The following SUPT3H variants were observed in gnomAD, a reference collection of about 807,000 sequenced individuals.
The protein encoded by SUPT3H is transcription initiation protein SPT3 homolog.
SUPT3H carries 44 observed loss-of-function variants against 44.3 expected under a neutral mutation model. The observed-to-expected ratio is 0.99, with a 90% CI of 0.78 to 1.28. SUPT3H has a LOEUF of 1.28. Among genes scored for constraint, SUPT3H ranks in the 50% most tolerant of loss-of-function variants. The pLI is 0.00. For synonymous variants in SUPT3H, 124 were observed against 125.6 expected, an observed-to-expected ratio of 0.99 and a Z score of 0.09; for missense variants, 380 against 387.1, an observed-to-expected ratio of 0.98 and a Z score of 0.15.
At chr6:45,338,238 G>C (rs1306468798) in intron 2 of SUPT3H, among the ~76,000 whole-genome samples, 1 of 151,888 alleles carries the variant, frequency 6.6e-6, no homozygotes, top group Non-Finnish European at 1.5e-5. Context: ...TTATGGTTCA[G>C]CATTTGCTAA....
At chr6:44,916,254 C>T (rs894511794) in intron 10 of SUPT3H, among the ~76,000 whole-genome samples, 4 of 152,208 alleles carry the variant, frequency 2.6e-5, no homozygotes, top group African/African-American at 9.7e-5. Context: ...CAATACACTG[C>T]ATCTTTCATT....
intron 7 of SUPT3H, 39 bp from the exon 8 acceptor site, chr6:44,954,646 T>C: frequency 8.0e-7 from 1 of 1,255,158 alleles, no homozygotes; most frequent in South Asian, 1.2e-5. Flanking sequence ...AATTTTAATT[T>C]TTAAAGTGTT....
At position 45,367,843 on chromosome 6, in the gene SUPT3H, C is replaced by T. The variant is rs62400333; in HGVS notation, c.1-2542G>A. 1.8e-3 allele frequency among the ~76,000 whole-genome samples: 270 copies of T among 152,278 alleles called. 1 individual carries two copies. The highest frequency in any genetic ancestry group is 3.0e-3 in the Non-Finnish European group (203 of 68,012). The stretch of plus-strand genomic sequence containing the variant: ...CATGATCATCCTTTCACAGTCAAGT[C>T]AATTTTTATATCAAACAGGTGAATA... On this transcript the variant is annotated intron_variant, in intron 1 of 10. Coordinates refer to ENST00000371459, the MANE Select transcript of SUPT3H (RefSeq NM_003599.4).
intron 2 of SUPT3H, among the ~76,000 whole-genome samples, chr6:45,128,563 C>T (rs774445076): frequency 0.27 from 18,823 of 70,144 alleles, 2,133 homozygotes; most frequent in East Asian, 0.54. Context: ...TATATACACA[C>T]ACACACACAC....
intron 10 of SUPT3H, among the ~76,000 whole-genome samples, chr6:44,888,207 T>C (rs1189514612): frequency 2.0e-5 from 3 of 152,148 alleles, no homozygotes; most frequent in African/African-American, 4.8e-5. Flanking sequence ...TTGGTACCAT[T>C]CCTTCTGAAA....
chr6:45,201,485 T>C (rs115299492), intron 2 of SUPT3H, among the ~76,000 whole-genome samples: 2,659 of 151,870 alleles, frequency 0.018, 48 homozygotes, highest in South Asian at 0.085. Flanking sequence ...AATAAATTAA[T>C]ATATCAACAC....
chr6:44,970,579 T>G (rs1777425684), intron 6 of SUPT3H, among the ~76,000 whole-genome samples: 1 of 151,284 alleles, frequency 6.6e-6, no homozygotes, highest in African/African-American at 2.4e-5. Context: ...CAACCCTTTT[T>G]TTTTTTTGGT....
At chr6:44,932,588 C>A in intron 10 of SUPT3H, 65 bp downstream of exon 10, 1 of 1,155,104 alleles carries the variant, frequency 8.7e-7, no homozygotes, top group Non-Finnish European at 1.2e-6. Flanking sequence ...CTTCATTTGA[C>A]CACTTGAAAA....
At chr6:44,893,331 C>T (rs1418767719) in intron 10 of SUPT3H, among the ~76,000 whole-genome samples, 8 of 152,202 alleles carry the variant, frequency 5.3e-5, no homozygotes, top group Non-Finnish European at 1.0e-4. Flanking sequence ...CACCCACTAA[C>T]TCGTCATCTA....
chr6:45,241,451 G>A (rs1770307115), intron 2 of SUPT3H, among the ~76,000 whole-genome samples: 1 of 152,202 alleles, frequency 6.6e-6, no homozygotes, highest in Admixed American at 6.6e-5. Context: ...AAACTAGCCA[G>A]AGCCCATCCC....
chr6:45,078,296 T>C (rs929911745), intron 3 of SUPT3H, among the ~76,000 whole-genome samples: 1 of 152,240 alleles, frequency 6.6e-6, no homozygotes, highest in Non-Finnish European at 1.5e-5. Context: ...AAAAATACTC[T>C]CGACTTTTCC....
intron 2 of SUPT3H, among the ~76,000 whole-genome samples, chr6:45,276,997 T>C (rs974224420): frequency 4.6e-5 from 7 of 152,330 alleles, no homozygotes; most frequent in African/African-American, 1.7e-4. Flanking sequence ...TCTATAAGCT[T>C]TTCTTATGAT....
At chr6:44,849,383 C>T (rs976259991) in intron 10 of SUPT3H, among the ~76,000 whole-genome samples, 3 of 151,084 alleles carry the variant, frequency 2.0e-5, no homozygotes, top group African/African-American at 4.9e-5. Flanking sequence ...CCCGCCACTA[C>T]GCCCGGCTAA....
intron 2 of SUPT3H, among the ~76,000 whole-genome samples, chr6:45,314,770 A>G (rs1784450553): frequency 6.6e-6 from 1 of 152,138 alleles, no homozygotes; most frequent in Admixed American, 6.6e-5. Flanking sequence ...ACCATTCTCC[A>G]CAGTTAGAAA....
At chr6:44,941,226 C>T (rs1319325228) in intron 9 of SUPT3H, among the ~76,000 whole-genome samples, 6 of 152,044 alleles carry the variant, frequency 3.9e-5, no homozygotes, top group South Asian at 4.2e-4. Context: ...TTTTATAAGA[C>T]CTGAGAATTT....
intron 2 of SUPT3H, among the ~76,000 whole-genome samples, chr6:45,327,649 A>G (rs935589975): frequency 2.6e-5 from 4 of 152,014 alleles, no homozygotes; most frequent in African/African-American, 9.7e-5. Flanking sequence ...AAAATTTGTA[A>G]AAGAATGCCC....
At chr6:45,231,498 G>C (rs185449075) in intron 2 of SUPT3H, among the ~76,000 whole-genome samples, 4 of 152,140 alleles carry the variant, frequency 2.6e-5, no homozygotes, top group African/African-American at 7.2e-5. Context: ...GTGACTAAAC[G>C]CTTTTCTCTT....
intron 10 of SUPT3H, among the ~76,000 whole-genome samples, chr6:44,929,467 A>G (rs2153460265): frequency 6.6e-6 from 1 of 152,328 alleles, no homozygotes; most frequent in Middle Eastern, 3.4e-3. Flanking sequence ...ACATGCTATG[A>G]AGACAAAATC....
chr6:45,036,922 G>A (rs1264280672), intron 3 of SUPT3H, among the ~76,000 whole-genome samples: 2 of 152,034 alleles, frequency 1.3e-5, no homozygotes, highest in Non-Finnish European at 2.9e-5. Flanking sequence ...GGATGGATGT[G>A]CAGGAAGCTT....
Sources: allele counts gnomAD v4.1 joint callset (sites outside exome capture counted in the v4.1 genomes callset), GRCh38; gene constraint gnomAD v4.1.1; transcripts MANE v1.5; gene names NCBI Gene and HGNC (gene_info 2026-07-23, HGNC 2026-07-21).